Variants in NPR1 observed in about 807,000 individuals in gnomAD.
NPR1 encodes atrial natriuretic peptide receptor 1.
Under a neutral mutation model 116.9 loss-of-function variants are expected in NPR1, and 57 were observed. The ratio of observed to expected loss-of-function variants is 0.49; its 90% CI spans 0.39 to 0.61. The LOEUF is 0.61. NPR1 is among the 20% of genes least tolerant of loss of function. The pLI is 0.00. For missense variants in NPR1, 1,096 were observed against 1,409.8 expected (o/e 0.78, Z 3.56); for synonymous variants, 555 against 601.6 (o/e 0.92, Z 1.13).
At position 153,679,066 on chromosome 1, in the gene NPR1, G is replaced by A. The variant is rs1669680062; in HGVS notation, c.-43G>A. ...CGCTGAGCCCAAGGGGACCGAGGAG[G>A]CCATGGTAGGAGCGCTCGCCTGCTG... On this transcript the variant is annotated 5_prime_UTR_variant, in exon 1 of 22. Transcript: ENST00000368680. This position sits in a 1 kb window ranked among gnomAD's most constrained non-coding sequence, Gnocchi z 4.2. 1.4e-6 allele frequency: 2 copies of A among 1,395,342 alleles called. No individual in the cohort carries two copies. Among genetic ancestry groups the A allele is most frequent in the Admixed American group, 3.5e-5 (1 of 28,172 alleles). The allele number at this position is 1,395,342 out of a possible 1,614,324, so 86.4% of individuals were successfully genotyped here. A position where few individuals can be genotyped will look rare whatever the true frequency, so the allele number is the denominator to read the frequency against.
Position 153,693,500 on chromosome 1 carries a change from C to G in NPR1, c.*86C>G, listed in dbSNP as rs945168940. The G allele has an allele frequency of 4.1e-6, 5 of 1,214,524 alleles. No homozygotes were observed. The highest frequency in any genetic ancestry group is 5.8e-6 in the Non-Finnish European group (5 of 857,556). 75.2% of individuals were successfully genotyped at this position (1,214,524 alleles called of 1,614,324 possible). Reference sequence around the variant, plus strand: ...CAGGCCTCAGCCTCACCCACAGCAGCCCCATCGCCAAAGGATGGAAGTAAT... The same window carrying G: ...CAGGCCTCAGCCTCACCCACAGCAGGCCCATCGCCAAAGGATGGAAGTAAT... On this transcript the variant is annotated 3_prime_UTR_variant, in exon 22 of 22. Transcript: ENST00000368680.
intron 8 of NPR1, 28 bp downstream of exon 8, chr1:153,685,112 G>A (rs1217087949): frequency 1.9e-6 from 3 of 1,611,556 alleles, no homozygotes; most frequent in East Asian, 2.2e-5. Context: ...TGTGTTGGGG[G>A]GCAATAAAGG....
Position 153,689,216 on chromosome 1 carries a change from G to C in NPR1, c.2593G>C (p.Glu865Gln). Residue 865 changes from glutamate (E) to glutamine (Q), a missense_variant, in exon 17 of 22, where the codon GAG (glutamate) becomes CAG (glutamine). Physicochemically the swap from Glu to Gln is conservative, Grantham distance 29. Coordinates refer to ENST00000368680, the MANE Select transcript of NPR1 (RefSeq NM_000906.4). This position sits in a 1 kb window ranked among gnomAD's most constrained non-coding sequence, Gnocchi z 5.1. ...AGTGGCTGAGCAGCTGAAGCGTGGGGAGACGGTGCAGGCCGAAGCCTTTGA... is the reference window on the plus strand; with the variant it reads ...AGTGGCTGAGCAGCTGAAGCGTGGGCAGACGGTGCAGGCCGAAGCCTTTGA... ...HSVAEQLKRG[E>Q]TVQAEAFDSV... 2 of 1,614,214 alleles carry C rather than the reference G, an allele frequency of 1.2e-6. No individual in the cohort carries two copies. The highest frequency in any genetic ancestry group is 8.5e-7 in the Non-Finnish European group (1 of 1,180,030).
chr1:153,682,322 A>C (rs543094136), intron 4 of NPR1, among the ~76,000 whole-genome samples, 176 bp from the exon 5 acceptor site: 26 of 152,044 alleles, frequency 1.7e-4, no homozygotes, highest in Non-Finnish European at 3.1e-4. Context: ...AGCCTCCCAA[A>C]GTGCTGGGAT....
chr1:153,681,635 C>T (rs1024209818), intron 3 of NPR1, 69 bp from the exon 4 acceptor site: 1 of 1,561,474 alleles, frequency 6.4e-7, no homozygotes. Flanking sequence ...CTCTTGTTCC[C>T]TTCCCCACAG....
At chr1:153,692,087 G>T (rs950710613) in intron 20 of NPR1, among the ~76,000 whole-genome samples, 1 of 151,920 alleles carries the variant, frequency 6.6e-6, no homozygotes, top group Non-Finnish European at 1.5e-5. Context: ...TCAGTTCCTC[G>T]GCCACAAAAT....
At position 153,683,757 on chromosome 1, in the gene NPR1, G is replaced by A. The variant is rs766597678; in HGVS notation, c.1417G>A (p.Glu473Lys). The A allele has an allele frequency of 1.4e-5, 22 of 1,613,994 alleles. No individual in the cohort carries two copies. The highest frequency in any genetic ancestry group is 1.1e-4 in the South Asian group (10 of 91,094). ...ACNQDHLSTLEVLALVGSLSL... is the reference protein window; with the variant it reads ...ACNQDHLSTLKVLALVGSLSL... ...TCCTGCAGATCACCTTTCCACCCTG[G>A]AGGTGCTGGCTTTGGTGGGCAGCCT... The change falls in exon 7 of 22, where the codon GAG becomes AAG. Residue 473 changes from glutamate (E) to lysine (K), a missense_variant. Transcript: ENST00000368680.
Position 153,687,369 on chromosome 1 carries a change from T to C in NPR1, c.2092+13T>C. The C allele has an allele frequency of 6.2e-7, 1 of 1,613,214 alleles. No individual in the cohort carries two copies. The highest frequency in any genetic ancestry group is 8.5e-7 in the Non-Finnish European group (1 of 1,179,476). ...ACCGTTTATGCCAGTGAGCCTTGAC[T>C]CTTGAACCTAACACCTGCCCCCAGC... On this transcript the variant is annotated intron_variant, in intron 13 of 21. Coordinates refer to ENST00000368680, the MANE Select transcript of NPR1 (RefSeq NM_000906.4).
intron 6 of NPR1, 65 bp from the exon 7 acceptor site, chr1:153,683,675 G>A: frequency 6.4e-7 from 1 of 1,569,458 alleles, no homozygotes; most frequent in Non-Finnish European, 8.8e-7. Flanking sequence ...TGGACTATTA[G>A]AAAGTTCTTC....
chr1:153,680,882 A>G lies in NPR1; in HGVS notation c.921+182A>G, dbSNP rs1669753862. 4.8e-5 allele frequency: 31 copies of G among 639,574 alleles called. 1 individual carries two copies. In the South Asian group the frequency reaches 6.1e-4, roughly 13 times the overall value. The allele number at this position is 639,574 out of a possible 1,614,324, so 39.6% of individuals were successfully genotyped here. A position where few individuals can be genotyped will look rare whatever the true frequency, so the allele number is the denominator to read the frequency against. ...GGTGATGCTCACTGGGAATTAGGCAATGAAGGGCAGGGGACTGCCCAGGGG... is the reference window on the plus strand; with the variant it reads ...GGTGATGCTCACTGGGAATTAGGCAGTGAAGGGCAGGGGACTGCCCAGGGG... On this transcript the variant is annotated intron_variant, in intron 2 of 21. Coordinates refer to ENST00000368680, the MANE Select transcript of NPR1 (RefSeq NM_000906.4).
intron 3 of NPR1, 145 bp downstream of exon 3, chr1:153,681,438 A>G: frequency 1.5e-6 from 1 of 650,372 alleles, no homozygotes; most frequent in East Asian, 2.7e-5. Flanking sequence ...ATGATGGAGG[A>G]GGACACTGGC....
intron 10 of NPR1, among the ~76,000 whole-genome samples, chr1:153,686,437 G>A (rs1669930570): frequency 6.6e-6 from 1 of 152,104 alleles, no homozygotes; most frequent in South Asian, 2.1e-4. Context: ...TGTCCCTGGG[G>A]GAGAGAGGGC....
chr1:153,687,906 A>C (rs1571350976), intron 14 of NPR1, 117 bp downstream of exon 14: 1 of 1,187,608 alleles, frequency 8.4e-7, no homozygotes, highest in Non-Finnish European at 1.2e-6. Flanking sequence ...TTCAGTCACC[A>C]CCCTTTGACC....
At position 153,688,274 on chromosome 1, in the gene NPR1, T is replaced by C. The variant is rs892853434; in HGVS notation, c.2417+53T>C. 9 of 1,570,386 alleles carry C rather than the reference T, an allele frequency of 5.7e-6. No individual in the cohort carries two copies. In the East Asian group the frequency reaches 1.6e-4, roughly 27 times the overall value. On this transcript the variant is annotated intron_variant, in intron 15 of 21. Coordinates refer to ENST00000368680, the MANE Select transcript of NPR1 (RefSeq NM_000906.4). ...AGGCCCTTCCTCCACAGCCACCATT[T>C]ACCTAATGCTTCTGGCTCTGGCTTA...
At chr1:153,692,114 A>G (rs1039628814) in intron 20 of NPR1, among the ~76,000 whole-genome samples, 10 of 152,164 alleles carry the variant, frequency 6.6e-5, no homozygotes, top group Non-Finnish European at 1.0e-4. Flanking sequence ...ATAGCATGAA[A>G]TCATGAAAGC....
chr1:153,690,731 C>A (rs537611994), intron 20 of NPR1, among the ~76,000 whole-genome samples: 1 of 151,774 alleles, frequency 6.6e-6, no homozygotes, highest in Non-Finnish European at 1.5e-5. Context: ...CACCTGAGGT[C>A]GGGGGTTCGA....
At chr1:153,684,386 CTTT>C (rs58272090) in intron 7 of NPR1, among the ~76,000 whole-genome samples, 224 of 89,006 alleles carry the variant, frequency 2.5e-3, no homozygotes, top group African/African-American at 7.1e-3. Context: ...TTCTTTCTTT[CTTT>C]TTTTTTTTTT....
Position 153,689,565 on chromosome 1 carries a change from C to A in NPR1, c.2757+44C>A. On this transcript the variant is annotated intron_variant, in intron 18 of 21. Transcript: ENST00000368680. The surrounding 1 kb of genome is among the most constrained non-coding windows in gnomAD (Gnocchi z 5.1). ...ATGGGAAGGGACAGACAGACATGGA[C>A]AAGGTCAGAAAAAGATGAGGGGTAG... The A allele has an allele frequency of 6.4e-7, 1 of 1,571,494 alleles. No individual in the cohort carries two copies. The highest frequency in any genetic ancestry group is 8.8e-7 in the Non-Finnish European group (1 of 1,141,664).
chr1:153,683,839 G>C lies in NPR1; in HGVS notation c.1484+15G>C, dbSNP rs61757356. The stretch of plus-strand genomic sequence containing the variant: ...TTCATATACAGGTGAGCTGTGATGT[G>C]GGGGGTTGAGTGAGGCTGGGGGACC... On this transcript the variant is annotated intron_variant, in intron 7 of 21. Coordinates refer to ENST00000368680, the MANE Select transcript of NPR1 (RefSeq NM_000906.4). The C allele has an allele frequency of 5.6e-6, 9 of 1,610,506 alleles. No individual in the cohort carries two copies. Among genetic ancestry groups the C allele is most frequent in the Admixed American group, 1.7e-5 (1 of 59,992 alleles).
Sources: allele counts gnomAD v4.1 joint callset (sites outside exome capture counted in the v4.1 genomes callset), GRCh38; gene constraint gnomAD v4.1.1; non-coding constraint Gnocchi (gnomAD v3.1); transcripts MANE v1.5; gene names NCBI Gene and HGNC (gene_info 2026-07-23, HGNC 2026-07-21).